NAALADL2: variants seen among roughly 807,000 people sequenced by gnomAD.
NAALADL2 encodes N-acetylated alpha-linked acidic dipeptidase like 2, also known as inactive N-acetylated-alpha-linked acidic dipeptidase-like protein 2.
In NAALADL2, 76 loss-of-function variants were observed where a neutral mutation model predicts 87.2. That is an observed-to-expected ratio of 0.87 (90% CI 0.72 to 1.05). The LOEUF (loss-of-function observed/expected upper bound fraction) is 1.05. Among genes scored for constraint, NAALADL2 ranks in the 50% least tolerant of loss-of-function variants. The probability of loss-of-function intolerance (pLI) is 0.00; values close to 1 mark genes in which losing one functional copy is unlikely to be tolerated. For synonymous variants in NAALADL2, 354 were observed against 331.0 expected (o/e 1.07, Z -0.75); for missense variants, 1,089 against 945.8 (o/e 1.15, Z -1.99).
intron 6 of NAALADL2, among the ~76,000 whole-genome samples, chr3:175,448,310 G>A (rs1560568586): frequency 2.6e-5 from 4 of 152,182 alleles, no homozygotes; most frequent in African/African-American, 9.7e-5. Context: ...CACTCGAGGA[G>A]CTTTCTGTTT....
At chr3:174,704,533 A>G (rs1034378473) in intron 2 of NAALADL2, among the ~76,000 whole-genome samples, 1 of 152,180 alleles carries the variant, frequency 6.6e-6, no homozygotes, top group Non-Finnish European at 1.5e-5. Flanking sequence ...TAATACCAAA[A>G]TAACTAATAC....
At chr3:175,206,791 C>A (rs1025205149) in intron 2 of NAALADL2, among the ~76,000 whole-genome samples, 1 of 152,114 alleles carries the variant, frequency 6.6e-6, no homozygotes, top group Non-Finnish European at 1.5e-5. Context: ...GGTAGAGCCA[C>A]TGACACTTTT....
chr3:175,535,784 T>C (rs1734735171), intron 9 of NAALADL2, among the ~76,000 whole-genome samples: 1 of 152,224 alleles, frequency 6.6e-6, no homozygotes, highest in Non-Finnish European at 1.5e-5. Context: ...ATAAATTTTT[T>C]GTGTTTCTCA....
chr3:175,624,357 A>T (rs1452749526), intron 10 of NAALADL2, among the ~76,000 whole-genome samples: 2 of 152,054 alleles, frequency 1.3e-5, no homozygotes, highest in Non-Finnish European at 2.9e-5. Flanking sequence ...ATAACAGCAC[A>T]GATTTGGAAG....
chr3:174,793,243 G>A lies in NAALADL2; in HGVS notation c.-9+55497G>A, dbSNP rs550678707. On this transcript the variant is annotated intron_variant, in intron 3 of 3. Transcript: ENST00000434257. ...TATCGTAATAATTATGTTTTATATTGTTAAATACTCTCTATTGGGGTTCAT... is the reference window on the plus strand; with the variant it reads ...TATCGTAATAATTATGTTTTATATTATTAAATACTCTCTATTGGGGTTCAT... Among the ~76,000 whole-genome samples, 6 of 151,920 alleles carry A rather than the reference G, an allele frequency of 3.9e-5. No homozygotes were observed. In the East Asian group the frequency reaches 1.2e-3, roughly 29 times the overall value.
intron 12 of NAALADL2, among the ~76,000 whole-genome samples, chr3:175,743,998 CATT>C (rs1414440273): frequency 5.9e-5 from 9 of 152,142 alleles, no homozygotes; most frequent in African/African-American, 1.9e-4. Context: ...AAGCACCTCA[CATT>C]ATTCTTCTAG....
rs147730043 is a variant in NAALADL2 at position 174,983,077 on chromosome 3, C to T, written c.44-113713C>T. ...CCTCCCAAAGTGCTGGGATTACAGG[C>T]GTGAGCCACCGCGCCCAGCCAAAAG... On this transcript the variant is annotated intron_variant, in intron 1 of 13. Transcript: ENST00000454872. Among the ~76,000 whole-genome samples the T allele has an allele frequency of 4.6e-5, 7 of 152,210 alleles. No individual in the cohort carries two copies. In the East Asian group the frequency reaches 9.7e-4, roughly 21 times the overall value.
chr3:174,970,148 G>A (rs977277815), intron 1 of NAALADL2, among the ~76,000 whole-genome samples: 4 of 152,140 alleles, frequency 2.6e-5, no homozygotes, highest in Admixed American at 2.6e-4. Context: ...CTTAAAGGAT[G>A]ACTTAGAACC....
chr3:175,145,211 A>G (rs1560087225), intron 2 of NAALADL2, among the ~76,000 whole-genome samples: 1 of 151,970 alleles, frequency 6.6e-6, no homozygotes, highest in Non-Finnish European at 1.5e-5. Flanking sequence ...GATGACTCAC[A>G]TGGATCAATG....
At chr3:174,683,704 A>G (rs947698872) in intron 2 of NAALADL2, among the ~76,000 whole-genome samples, 7 of 112,460 alleles carry the variant, frequency 6.2e-5, no homozygotes, top group Non-Finnish European at 1.1e-4. Context: ...GAATTTCTGG[A>G]ACCTTGCCCT....
At chr3:175,701,704 G>C (rs1421429634) in intron 11 of NAALADL2, among the ~76,000 whole-genome samples, 1 of 152,028 alleles carries the variant, frequency 6.6e-6, no homozygotes, top group Non-Finnish European at 1.5e-5. Context: ...GACTGTGCTT[G>C]TTTGTAAAAA....
intron 10 of NAALADL2, among the ~76,000 whole-genome samples, chr3:175,584,738 A>C (rs1393945455): frequency 6.6e-6 from 1 of 152,216 alleles, no homozygotes; most frequent in African/African-American, 2.4e-5. Flanking sequence ...ATACAATGGT[A>C]TTTGTGAATC....
intron 4 of NAALADL2, among the ~76,000 whole-genome samples, chr3:175,320,701 C>A (rs1463671460): frequency 1.3e-5 from 2 of 152,086 alleles, no homozygotes; most frequent in Non-Finnish European, 1.5e-5. Flanking sequence ...TTAAAATAAG[C>A]AAACACCTCT....
chr3:175,767,574 C>A (rs1487020218), intron 13 of NAALADL2: 1 of 152,004 alleles, frequency 6.6e-6, no homozygotes, highest in East Asian at 1.9e-4. Context: ...ACTTTGGTAT[C>A]ACATATAATA....
chr3:175,278,344 C>T (rs1353112214), intron 4 of NAALADL2, among the ~76,000 whole-genome samples: 1 of 152,044 alleles, frequency 6.6e-6, no homozygotes, highest in Admixed American at 6.6e-5. Context: ...CTAGTTGCAT[C>T]TAGTTAATAT....
intron 1 of NAALADL2, among the ~76,000 whole-genome samples, chr3:175,017,090 C>G (rs73032325): frequency 0.15 from 22,843 of 151,928 alleles, 3,360 homozygotes; most frequent in African/African-American, 0.38. Flanking sequence ...TGCAATACAA[C>G]TAGTTACCCA....
intron 1 of NAALADL2, among the ~76,000 whole-genome samples, chr3:174,953,517 C>T (rs1740722165): frequency 6.6e-6 from 1 of 151,840 alleles, no homozygotes; most frequent in East Asian, 1.9e-4. Flanking sequence ...TGTCCCCTTA[C>T]AGATATTTTG....
chr3:175,204,590 C>T (rs1740545335), intron 2 of NAALADL2, among the ~76,000 whole-genome samples: 1 of 151,968 alleles, frequency 6.6e-6, no homozygotes, highest in Non-Finnish European at 1.5e-5. Context: ...ACTGGACGTC[C>T]TAGCAAGAGC....
chr3:175,596,937 TG>T (rs1722324282), intron 10 of NAALADL2, among the ~76,000 whole-genome samples: 1 of 151,984 alleles, frequency 6.6e-6, no homozygotes, highest in Non-Finnish European at 1.5e-5. Flanking sequence ...TATAATACTA[TG>T]GCCTGCTAAG....
Sources: gnomAD v4.1 joint callset for allele counts (sites outside exome capture counted in the v4.1 genomes callset) on GRCh38, gnomAD v4.1.1 for gene constraint, MANE v1.5 for transcripts, NCBI Gene and HGNC (gene_info 2026-07-23, HGNC 2026-07-21) for gene names.